Variants in SMG1 observed in about 807,000 individuals in gnomAD.
SMG1 encodes SMG1 nonsense mediated mRNA decay associated PI3K related kinase, also known as serine/threonine-protein kinase SMG1.
In SMG1, 22 loss-of-function variants were observed where a neutral mutation model predicts 419.9. That is an observed-to-expected ratio of 0.05 (90% CI 0.04 to 0.07). The LOEUF (loss-of-function observed/expected upper bound fraction) is 0.07. Ranked by LOEUF, SMG1 falls within the 10% of genes least tolerant of loss-of-function variation. SMG1 has a pLI of 1.00. For synonymous variants in SMG1, 1,538 were observed against 1,553.5 expected (o/e 0.99, Z 0.23); for missense variants, 3,185 against 4,342.0 (o/e 0.73, Z 7.49).
intron 1 of SMG1, among the ~76,000 whole-genome samples, chr16:18,900,714 G>A (rs2037312292): frequency 6.6e-6 from 1 of 152,156 alleles, no homozygotes; most frequent in Non-Finnish European, 1.5e-5. Context: ...AATGAGATTT[G>A]CACTAAAGCC....
At chr16:18,899,467 TC>T (rs1269933811) in intron 1 of SMG1, among the ~76,000 whole-genome samples, 7 of 152,078 alleles carry the variant, frequency 4.6e-5, no homozygotes, top group South Asian at 2.1e-4. Flanking sequence ...GATCAAAGCA[TC>T]CCCAACCAGA....
intron 1 of SMG1, 127 bp downstream of exon 1, chr16:18,925,822 AG>A (rs985087413): frequency 1.5e-6 from 1 of 657,070 alleles, no homozygotes; most frequent in African/African-American, 1.9e-5. Context: ...GAGGAGACCC[AG>A]GAAGCCGCGC....
At chr16:18,828,965 T>G (rs2032961846) in intron 54 of SMG1, among the ~76,000 whole-genome samples, 1 of 148,904 alleles carries the variant, frequency 6.7e-6, no homozygotes, top group Non-Finnish European at 1.5e-5. Flanking sequence ...GCCATTGCAC[T>G]CCAGTCTGGG....
chr16:18,902,237 A>G lies in SMG1; in HGVS notation c.93-5281T>C, dbSNP rs1014635507. ...AAGGTATCATTTTTCACAACTCTAC[A>G]GGGACAGGACAATTTGAAACTCCAA... is the stretch of plus-strand genomic sequence containing the variant. On this transcript the variant is annotated intron_variant, in intron 1 of 62. Coordinates refer to ENST00000446231, the MANE Select transcript of SMG1 (RefSeq NM_015092.5). 2.0e-5 allele frequency among the ~76,000 whole-genome samples: 3 copies of G among 152,192 alleles called. No individual in the cohort carries two copies. The East Asian group carries it at 5.8e-4, about 29-fold the overall frequency.
Position 18,832,992 on chromosome 16 carries a change from C to A in SMG1, c.8740G>T (p.Ala2914Ser), listed in dbSNP as rs375928946. 1.7e-5 allele frequency: 27 copies of A among 1,613,788 alleles called. No homozygotes were observed. Among genetic ancestry groups the A allele is most frequent in the Non-Finnish European group, 2.0e-5 (24 of 1,179,896 alleles). ...GTTTCTTCTTCCAGTCCCATAGCTG[C>A]GTTTCTTAAGTAGGCCTGAAGAGAT... ...VESLQAYLRNAAMGLEEETHA... is the reference protein window; with the variant it reads ...VESLQAYLRNSAMGLEEETHA... The change falls in exon 51 of 63, where the codon GCA becomes TCA. Residue 2914 changes from alanine (A) to serine (S), a missense_variant. This residue lies in a region of SMG1 where 737 missense variants were observed against 846.6 expected (regional missense o/e 0.87). Transcript: ENST00000446231.
rs1684189397 is a variant in SMG1 at position 18,841,685 on chromosome 16, G to C, written c.6576C>G (p.His2192Gln). Residue 2192 changes from histidine to glutamine, a missense_variant, in exon 41 of 63, where the codon CAC becomes CAG. Transcript: ENST00000446231. ...RQETPRFHAR[H>Q]YSVTPLGTRS... ...TTGTTCCTAGTGGTGTTACAGAATA[G>C]TGTCGAGCATGGAACCGGGGTGTTT... The C allele has an allele frequency of 1.2e-6, 2 of 1,613,978 alleles. No individual in the cohort carries two copies. The highest frequency in any genetic ancestry group is 1.7e-6 in the Non-Finnish European group (2 of 1,179,888).
In SMG1 at chr16:18,829,954, G is replaced by A. The variant is rs764017506; in HGVS notation, c.9105C>T (p.Leu3035=). ...RLQTIKEFFR[L]CGTFSKTLSG... ...ACAATGTTTTAGAAAAGGTACCACA[G>A]AGCCTGAAGAACTCCTTAATAGTCT... is the stretch of plus-strand genomic sequence containing the variant. The change falls in exon 53 of 63, where the codon CTC becomes CTT. Residue 3035 remains leucine, a synonymous_variant. Coordinates refer to ENST00000446231, the MANE Select transcript of SMG1 (RefSeq NM_015092.5). 3.8e-6 allele frequency: 6 copies of A among 1,570,054 alleles called. No homozygotes were observed. In the East Asian group the frequency reaches 6.8e-5, roughly 18 times the overall value.
At chr16:18,899,787 A>AT (rs1408524245) in intron 1 of SMG1, among the ~76,000 whole-genome samples, 1 of 152,178 alleles carries the variant, frequency 6.6e-6, no homozygotes, top group Non-Finnish European at 1.5e-5. Flanking sequence ...TAGTGTCTCA[A>AT]TTTAGTGAAA....
In SMG1 at chr16:18,842,460, T is replaced by C. The variant is rs2033978541; in HGVS notation, c.6220-6A>G. 3 of 1,610,538 alleles carry C rather than the reference T, an allele frequency of 1.9e-6. No individual in the cohort carries two copies. The highest frequency in any genetic ancestry group is 2.7e-5 in the African/African-American group (2 of 75,010). ...TGTTGCAAACTTAGCATTATCTATA[T>C]TCATAAGATGGGAGAAACAAATTTA... On this transcript the variant is annotated splice_region_variant and splice_polypyrimidine_tract_variant and intron_variant, in intron 39 of 62. Coordinates refer to ENST00000446231, the MANE Select transcript of SMG1 (RefSeq NM_015092.5).
chr16:18,887,516 C>CTTTGTTTTTTTTTT lies in SMG1; in HGVS notation c.823-1851_823-1850insAAAAAAAAAACAAA, dbSNP rs749197007. Among the ~76,000 whole-genome samples, 134 of 110,120 alleles carry CTTTGTTTTTTTTTT rather than the reference C, an allele frequency of 1.2e-3. 6 individuals carry two copies. The highest frequency in any genetic ancestry group is 4.0e-3 in the African/African-American group (117 of 29,032). The allele number at this position is 110,120 out of a possible 152,430, so 72.2% of individuals were successfully genotyped here. A position where few individuals can be genotyped will look rare whatever the true frequency, so the allele number is the denominator to read the frequency against. ...ACCACGCCCGACTTATTTTTTTTTC[C>CTTTGTTTTTTTTTT]TTTTTTTTTTTTTTTTTAATAGAAA... is the stretch of plus-strand genomic sequence containing the variant. On this transcript the variant is annotated intron_variant, in intron 6 of 62. Transcript: ENST00000446231.
intron 39 of SMG1, among the ~76,000 whole-genome samples, chr16:18,844,720 G>A (rs1438249916): frequency 6.6e-6 from 1 of 151,874 alleles, no homozygotes; most frequent in African/African-American, 2.4e-5. Flanking sequence ...GTTTCTACAT[G>A]TATCTTTTAA....
rs2141236295 is a variant in SMG1, at chr16:18,833,175, A to G, written c.8566-9T>C. ...AAATTCGAATTCAATTCCTATAAATATATGAGAAAAAAACTTTTAATGTTT... is the reference window on the plus strand; with the variant it reads ...AAATTCGAATTCAATTCCTATAAATGTATGAGAAAAAAACTTTTAATGTTT... On this transcript the variant is annotated splice_polypyrimidine_tract_variant and intron_variant, in intron 50 of 62. Coordinates refer to ENST00000446231, the MANE Select transcript of SMG1 (RefSeq NM_015092.5). The G allele has an allele frequency of 6.2e-7, 1 of 1,608,362 alleles. No homozygotes were observed. The highest frequency in any genetic ancestry group is 8.5e-7 in the Non-Finnish European group (1 of 1,176,042).
chr16:18,893,478 A>C (rs1465500902), intron 3 of SMG1, among the ~76,000 whole-genome samples: 1 of 152,226 alleles, frequency 6.6e-6, no homozygotes, highest in Non-Finnish European at 1.5e-5. Flanking sequence ...TACAAAAATT[A>C]GCTGGGCATA....
chr16:18,902,845 TTG>T (rs1288258072), intron 1 of SMG1, among the ~76,000 whole-genome samples: 2 of 151,048 alleles, frequency 1.3e-5, no homozygotes, highest in African/African-American at 5.0e-5. Context: ...TCAAAAAAAG[TTG>T]TTTGTTTGTT....
chr16:18,872,677 G>C, intron 13 of SMG1, 53 bp from the exon 14 acceptor site: 1 of 1,268,742 alleles, frequency 7.9e-7, no homozygotes, highest in South Asian at 1.4e-5. Flanking sequence ...ATAAGCACAA[G>C]CATACAGAGT....
chr16:18,851,695 A>G (rs918385659), intron 33 of SMG1, among the ~76,000 whole-genome samples: 4 of 152,072 alleles, frequency 2.6e-5, no homozygotes, highest in Non-Finnish European at 5.9e-5. Context: ...GGCATGCACC[A>G]CCACACCCTG....
chr16:18,849,068 TCAAAAAAAAAAAA>T (rs2034434925), intron 36 of SMG1, 136 bp downstream of exon 36: 1 of 211,332 alleles, frequency 4.7e-6, no homozygotes, highest in African/African-American at 1.1e-4. Context: ...AGACTCCATC[TCAAAAAAAAAAAA>T]AAAAAAAAAA....
At position 18,841,729 on chromosome 16, in the gene SMG1, C is replaced by G. The variant is rs764925574; in HGVS notation, c.6532G>C (p.Ala2178Pro). 4 of 1,613,840 alleles carry G rather than the reference C, an allele frequency of 2.5e-6. No individual in the cohort carries two copies. The highest frequency in any genetic ancestry group is 3.4e-6 in the Non-Finnish European group (4 of 1,179,904). Residue 2178 changes from alanine (A) to proline (P), a missense_variant, in exon 41 of 63, where the codon GCT (alanine) becomes CCT (proline). Transcript: ENST00000446231. ...GGTGTTTCTTGGCGATTAATTGTAG[C>G]AAACATGGTATTCACAATAGATAGG... ...QFLSIVNTMF[A>P]TINRQETPRF...
In SMG1 at chr16:18,812,080, G is replaced by C. The variant is rs1477261313; in HGVS notation, c.10669C>G (p.Gln3557Glu). ...GQKTQPDVMSQNARKLIQKNL... is the reference protein window; with the variant it reads ...GQKTQPDVMSENARKLIQKNL... ...TTTTGGATCAGCTTTCTAGCATTCT[G>C]TGACATGACATCAGGCTGAGTCTTC... Residue 3557 changes from glutamine (Q) to glutamate (E), a missense_variant, in exon 61 of 63, where the codon CAG (glutamine) becomes GAG (glutamate). Coordinates refer to ENST00000446231, the MANE Select transcript of SMG1 (RefSeq NM_015092.5). 1.2e-6 allele frequency: 2 copies of C among 1,613,952 alleles called. No homozygotes were observed. Among genetic ancestry groups the C allele is most frequent in the East Asian group, 4.5e-5 (2 of 44,886 alleles).
Sources: gnomAD v4.1 joint callset for allele counts (sites outside exome capture counted in the v4.1 genomes callset) on GRCh38, gnomAD v4.1.1 for gene constraint, gnomAD v4.1.1 regional missense constraint, MANE v1.5 for transcripts, NCBI Gene and HGNC (gene_info 2026-07-23, HGNC 2026-07-21) for gene names.